KAZN: variants seen among roughly 807,000 people sequenced by gnomAD.
KAZN encodes the protein kazrin, periplakin interacting protein.
A neutral mutation model predicts 87.4 loss-of-function variants in KAZN; 40 were observed. That is an observed-to-expected ratio of 0.46 (90% CI 0.36 to 0.60). The LOEUF is 0.60. Ranked by LOEUF, KAZN falls within the 20% of genes least tolerant of loss-of-function variation. KAZN has a pLI of 0.00. For missense variants in KAZN, 898 were observed against 1,073.9 expected, an observed-to-expected ratio of 0.84 and a Z score of 2.29; for synonymous variants, 466 against 458.3, an observed-to-expected ratio of 1.02 and a Z score of -0.22.
chr1:14,659,973 A>C (rs529911468), intron 1 of KAZN, among the ~76,000 whole-genome samples: 9 of 152,250 alleles, frequency 5.9e-5, no homozygotes, highest in African/African-American at 2.2e-4. Flanking sequence ...TTCTTTCCCA[A>C]CTGAAGGGAT....
At chr1:14,199,398 G>A (rs1201246184) in intron 2 of KAZN, among the ~76,000 whole-genome samples, 1 of 152,134 alleles carries the variant, frequency 6.6e-6, no homozygotes, top group Non-Finnish European at 1.5e-5. Flanking sequence ...CACTCCTCAG[G>A]TCTCAGTTTA....
chr1:14,956,298 T>TAAAAAAA (rs1663089363), intron 1 of KAZN, among the ~76,000 whole-genome samples: 2 of 82,492 alleles, frequency 2.4e-5, no homozygotes, highest in South Asian at 3.0e-4. Context: ...CAGAAGTCAC[T>TAAAAAAA]GAAAAAAAAA....
chr1:14,189,356 C>T (rs1057146678), intron 2 of KAZN, among the ~76,000 whole-genome samples: 4 of 152,150 alleles, frequency 2.6e-5, no homozygotes, highest in African/African-American at 9.7e-5. Context: ...CAAAGAGGAG[C>T]TCATGATACA....
At chr1:13,929,216 G>A (rs1164987649) in intron 1 of KAZN, among the ~76,000 whole-genome samples, 3 of 151,996 alleles carry the variant, frequency 2.0e-5, no homozygotes, top group Non-Finnish European at 4.4e-5. Context: ...CTGGCCCAAG[G>A]GTCTTTGATT....
upstream of KAZN, among the ~76,000 whole-genome samples, chr1:14,596,834 T>C (rs987953351): frequency 2.6e-5 from 4 of 152,258 alleles, no homozygotes; most frequent in African/African-American, 9.6e-5. Flanking sequence ...GTTCATCCAA[T>C]CATCTGTTGA....
intron 2 of KAZN, among the ~76,000 whole-genome samples, chr1:14,228,173 T>A (rs1008853632): frequency 8.5e-5 from 13 of 152,106 alleles, no homozygotes; most frequent in Non-Finnish European, 1.8e-4. Context: ...GATGATGATG[T>A]TGTTGATATT....
chr1:14,764,398 A>C (rs1240497106), intron 1 of KAZN, among the ~76,000 whole-genome samples: 2 of 87,794 alleles, frequency 2.3e-5, no homozygotes, highest in South Asian at 3.7e-4. Flanking sequence ...CCCCCCCACA[A>C]TGTGGGCATT....
intron 1 of KAZN, among the ~76,000 whole-genome samples, chr1:14,652,486 T>TCTGCCTATCCATCCACCCAC (rs1638462009): frequency 4.4e-4 from 1 of 2,278 alleles, no homozygotes; most frequent in African/African-American, 1.7e-3. Flanking sequence ...CACCCGCCCA[T>TCTGCCTATCCATCCACCCAC]CCACCTATCC....
At chr1:13,945,679 T>TGTGTGTGTGTGTG (rs1553177121) in intron 1 of KAZN, among the ~76,000 whole-genome samples, 4 of 123,354 alleles carry the variant, frequency 3.2e-5, no homozygotes, top group African/African-American at 1.3e-4. Context: ...TGCTCTCAGT[T>TGTGTGTGTGTGTG]TGTGTGTGTG....
At chr1:13,972,374 A>G (rs886831677) in intron 1 of KAZN, among the ~76,000 whole-genome samples, 3 of 147,920 alleles carry the variant, frequency 2.0e-5, no homozygotes, top group Admixed American at 6.9e-5. Context: ...CCCGAATGCC[A>G]CCCTACTTTT....
chr1:14,770,993 T>C (rs1392486221), intron 1 of KAZN, among the ~76,000 whole-genome samples: 4 of 152,140 alleles, frequency 2.6e-5, no homozygotes, highest in Non-Finnish European at 4.4e-5. Context: ...CCATGTTCAG[T>C]TGAGCTCACG....
At chr1:14,899,827 C>T (rs1655661911) in intron 1 of KAZN, among the ~76,000 whole-genome samples, 1 of 152,192 alleles carries the variant, frequency 6.6e-6, no homozygotes, top group Admixed American at 6.5e-5. Flanking sequence ...GCACTGTCCT[C>T]ATTTCAGTCT....
intron 2 of KAZN, among the ~76,000 whole-genome samples, chr1:15,015,597 C>T (rs960504302): frequency 2.6e-5 from 4 of 152,156 alleles, no homozygotes; most frequent in African/African-American, 9.7e-5. Context: ...CTGCAGGGAT[C>T]TGGGGCTTCC....
chr1:15,032,341 T>C (rs1299431237), intron 2 of KAZN, among the ~76,000 whole-genome samples: 1 of 151,636 alleles, frequency 6.6e-6, no homozygotes, highest in Admixed American at 6.6e-5. Flanking sequence ...TACAGGCACC[T>C]GCCACTACGC....
intron 1 of KAZN, among the ~76,000 whole-genome samples, chr1:13,927,048 G>A (rs1342224244): frequency 2.0e-5 from 3 of 152,192 alleles, no homozygotes; most frequent in Admixed American, 1.3e-4. Flanking sequence ...TCATTGTAGC[G>A]TGGCAGCTAT....
In KAZN at chr1:15,067,956, T is replaced by G. The variant is rs1012861171; in HGVS notation, c.1222+2203T>G. The G allele has an allele frequency of 1.5e-5, 12 of 819,210 alleles. No individual in the cohort carries two copies. In the African/African-American group the frequency reaches 2.3e-4, roughly 16 times the overall value. 50.7% of individuals were successfully genotyped at this position (819,210 alleles called of 1,614,324 possible). A position where few individuals can be genotyped will look rare whatever the true frequency, so the allele number is the denominator to read the frequency against. On this transcript the variant is annotated intron_variant, in intron 8 of 14. Transcript: ENST00000376030. ...AATGATTTAGTAGTTCCTTTTCATT[T>G]CAGTTTTTGTAAATTAGGAGATAAT...
At chr1:14,430,460 C>T (rs1665990720) in intron 2 of KAZN, among the ~76,000 whole-genome samples, 1 of 152,192 alleles carries the variant, frequency 6.6e-6, no homozygotes, top group Admixed American at 6.5e-5. Context: ...GTCTTAACCA[C>T]ACCACCCTGC....
At chr1:13,901,306 C>T (rs1386068151) in intron 1 of KAZN, among the ~76,000 whole-genome samples, 1 of 152,182 alleles carries the variant, frequency 6.6e-6, no homozygotes, top group Non-Finnish European at 1.5e-5. Context: ...TAATAAGAGG[C>T]AGCTGAGTAA....
intron 2 of KAZN, among the ~76,000 whole-genome samples, chr1:14,252,506 T>C (rs1650136232): frequency 6.6e-6 from 1 of 152,162 alleles, no homozygotes; most frequent in South Asian, 2.1e-4. Context: ...GGACCTTTCC[T>C]CATGTTGTTC....
Sources: allele counts gnomAD v4.1 joint callset (sites outside exome capture counted in the v4.1 genomes callset), GRCh38; gene constraint gnomAD v4.1.1; transcripts MANE v1.5; gene names NCBI Gene and HGNC (gene_info 2026-07-23, HGNC 2026-07-21).